The following SLCO5A1 variants were observed in gnomAD, a reference collection of about 807,000 sequenced individuals.
The protein encoded by SLCO5A1 is organic anion transporter polypeptide-related protein 4.
SLCO5A1 carries 39 observed loss-of-function variants against 65.1 expected under a neutral mutation model. That is an observed-to-expected ratio of 0.60 (90% CI 0.46 to 0.78). The LOEUF is 0.78. SLCO5A1 is among the 30% of genes least tolerant of loss of function. The pLI, the probability that SLCO5A1 is intolerant of heterozygous loss-of-function variation, is 0.00. For missense variants in SLCO5A1, 1,029 were observed against 1,069.4 expected (o/e 0.96, Z 0.53); for synonymous variants, 438 against 415.7 (o/e 1.05, Z -0.65).
chr8:69,804,871 C>T (rs1406060837), intron 2 of SLCO5A1, among the ~76,000 whole-genome samples: 5 of 152,046 alleles, frequency 3.3e-5, no homozygotes, highest in African/African-American at 1.2e-4. Context: ...AGTTTCTCAC[C>T]CAACCTGCAG....
chr8:69,808,831 G>C (rs570760169), intron 2 of SLCO5A1, among the ~76,000 whole-genome samples: 6 of 152,096 alleles, frequency 3.9e-5, no homozygotes, highest in Non-Finnish European at 8.8e-5. Flanking sequence ...GGACCCAGGC[G>C]TGGTGGCTCA....
At position 69,673,065 on chromosome 8, in the gene SLCO5A1, A is replaced by C. The variant is rs758692121; in HGVS notation, c.2351T>G (p.Val784Gly). The change falls in exon 10 of 10, where the codon GTG becomes GGG. Residue 784 changes from valine to glycine, a missense_variant. Val to Gly is a moderately radical substitution (Grantham distance 109). Around this residue, in one of 3 missense-constraint regions of SLCO5A1, gnomAD observed 258 missense variants for 237.4 expected, o/e 1.09. Transcript: ENST00000260126. ...EFPLSTVSER[V>G]GHPDNARTRS... ...AGTCCGGGCATTGTCGGGGTGTCCC[A>C]CTCTCTCACTCACGGTGCTCAGGGG... 2.5e-6 allele frequency: 4 copies of C among 1,613,860 alleles called. No homozygotes were observed. The Admixed American group carries it at 6.7e-5, about 27-fold the overall frequency.
At chr8:69,737,114 T>C (rs907387200) in intron 5 of SLCO5A1, among the ~76,000 whole-genome samples, 2 of 152,250 alleles carry the variant, frequency 1.3e-5, no homozygotes, top group Admixed American at 6.5e-5. Flanking sequence ...CAATGTTGTA[T>C]GTCTTTATAT....
At chr8:69,698,033 C>T (rs1814573546) in intron 6 of SLCO5A1, among the ~76,000 whole-genome samples, 1 of 152,140 alleles carries the variant, frequency 6.6e-6, no homozygotes, top group South Asian at 2.1e-4. Context: ...CCAGTGTTGA[C>T]CCCAGGGTCT....
At chr8:69,778,206 G>A (rs1162889566) in intron 2 of SLCO5A1, among the ~76,000 whole-genome samples, 1 of 150,906 alleles carries the variant, frequency 6.6e-6, no homozygotes, top group Admixed American at 6.6e-5. Context: ...GGGGACTATT[G>A]CATATTTACA....
intron 5 of SLCO5A1, among the ~76,000 whole-genome samples, chr8:69,727,058 G>A (rs186445017): frequency 6.6e-6 from 1 of 152,200 alleles, no homozygotes; most frequent in African/African-American, 2.4e-5. Flanking sequence ...TACCCATAGA[G>A]GTTAATGAGT....
At chr8:69,761,912 C>A (rs376234393) in intron 2 of SLCO5A1, 37 bp from the exon 3 acceptor site, 2 of 1,606,830 alleles carry the variant, frequency 1.2e-6, no homozygotes, top group Non-Finnish European at 1.7e-6. Context: ...AATACAGCGA[C>A]GTTTTATTAC....
intron 2 of SLCO5A1, among the ~76,000 whole-genome samples, chr8:69,776,183 A>T (rs777195452): frequency 1.3e-5 from 2 of 152,104 alleles, no homozygotes; most frequent in Non-Finnish European, 2.9e-5. Context: ...ACTAATTCCC[A>T]TATATATATC....
At chr8:69,710,211 G>A (rs1405657482) in intron 5 of SLCO5A1, among the ~76,000 whole-genome samples, 1 of 152,078 alleles carries the variant, frequency 6.6e-6, no homozygotes, top group Non-Finnish European at 1.5e-5. Flanking sequence ...TAGAGATGGC[G>A]TTTCACCATA....
chr8:69,733,402 A>T (rs1029321465), intron 5 of SLCO5A1, among the ~76,000 whole-genome samples: 1 of 152,208 alleles, frequency 6.6e-6, no homozygotes, highest in Non-Finnish European at 1.5e-5. Context: ...TCCTCAAGTT[A>T]CAGATAAACT....
chr8:69,812,157 A>G (rs574368237), intron 2 of SLCO5A1, among the ~76,000 whole-genome samples: 1 of 152,358 alleles, frequency 6.6e-6, no homozygotes, highest in African/African-American at 2.4e-5. Context: ...ATGGTGTTAA[A>G]GAAACCCTAA....
chr8:69,711,436 G>A (rs1815253239), intron 5 of SLCO5A1, among the ~76,000 whole-genome samples: 1 of 152,200 alleles, frequency 6.6e-6, no homozygotes, highest in Admixed American at 6.5e-5. Flanking sequence ...GAGCGCAGGA[G>A]AAAAGCAGGT....
At position 69,723,137 on chromosome 8, in the gene SLCO5A1, TTTG is replaced by T. The variant is rs143524340; in HGVS notation, c.1423+14900_1423+14902del. 5.7e-3 allele frequency among the ~76,000 whole-genome samples: 866 copies of T among 152,308 alleles called. 8 individuals are homozygous for T. The highest frequency in any genetic ancestry group is 0.019 in the African/African-American group (800 of 41,548). ...ATATTGAAGTATTTGTAAAGATGTATTTGTTTTGCATAACATTAAAACTATTTT... is the reference window on the plus strand; with the variant it reads ...ATATTGAAGTATTTGTAAAGATGTATTTTTGCATAACATTAAAACTATTTT... On this transcript the variant is annotated intron_variant, in intron 5 of 9. Coordinates refer to ENST00000260126, the MANE Select transcript of SLCO5A1 (RefSeq NM_030958.3).
intron 6 of SLCO5A1, among the ~76,000 whole-genome samples, chr8:69,702,027 A>G (rs764338582): frequency 1.3e-4 from 20 of 152,258 alleles, no homozygotes; most frequent in Non-Finnish European, 2.6e-4. Flanking sequence ...TGAAAAATAC[A>G]GAGTCACATT....
chr8:69,717,793 GATAA>G (rs1358615348), intron 5 of SLCO5A1, among the ~76,000 whole-genome samples: 3 of 151,900 alleles, frequency 2.0e-5, no homozygotes, highest in Non-Finnish European at 4.4e-5. Context: ...TTTTTTAATT[GATAA>G]ATAAAAACTG....
chr8:69,695,022 G>A (rs185748903), intron 6 of SLCO5A1, among the ~76,000 whole-genome samples: 1 of 152,278 alleles, frequency 6.6e-6, no homozygotes, highest in Non-Finnish European at 1.5e-5. Flanking sequence ...TCATTCATCT[G>A]TTAAAGAAGA....
At chr8:69,828,020 C>T (rs566162567) in intron 2 of SLCO5A1, among the ~76,000 whole-genome samples, 1 of 152,204 alleles carries the variant, frequency 6.6e-6, no homozygotes, top group South Asian at 2.1e-4. Context: ...GCTCGAGGGC[C>T]CTGGGGTCAG....
At chr8:69,707,470 T>C (rs1815022230) in intron 5 of SLCO5A1, among the ~76,000 whole-genome samples, 1 of 151,918 alleles carries the variant, frequency 6.6e-6, no homozygotes, top group South Asian at 2.1e-4. Context: ...CAATCCAAAA[T>C]ATTGATTATG....
chr8:69,832,590 G>A lies in SLCO5A1; in HGVS notation c.84C>T (p.Cys28=). 2 of 1,612,724 alleles carry A rather than the reference G, an allele frequency of 1.2e-6. No individual in the cohort carries two copies. Among genetic ancestry groups the A allele is most frequent in the East Asian group, 2.2e-5 (1 of 44,880 alleles). Residue 28 remains cysteine (C), a synonymous_variant, in exon 2 of 10, where the codon TGC becomes TGT. Transcript: ENST00000260126. The surrounding 1 kb of genome is among the most constrained non-coding windows in gnomAD (Gnocchi z 4.5). The part of the protein sequence containing the change: ...PATAEAVQER[C]EPETLRSKSL... ...TCTTAGACCTGAGGGTCTCCGGCTC[G>A]CACCTCTCTTGGACAGCTTCTGCAG... is the stretch of plus-strand genomic sequence containing the variant.
Sources: allele counts gnomAD v4.1 joint callset (sites outside exome capture counted in the v4.1 genomes callset), GRCh38; gene constraint gnomAD v4.1.1; regional missense constraint gnomAD v4.1.1; non-coding constraint Gnocchi (gnomAD v3.1); transcripts MANE v1.5; gene names NCBI Gene and HGNC (gene_info 2026-07-23, HGNC 2026-07-21).